EXOC4: variants seen among roughly 807,000 people sequenced by gnomAD.
EXOC4 encodes SEC8-like 1.
A neutral mutation model predicts 107.2 loss-of-function variants in EXOC4; 71 were observed. That is an observed-to-expected ratio of 0.66 (90% confidence interval 0.55 to 0.81). The LOEUF (loss-of-function observed/expected upper bound fraction) is 0.81, where lower values mean the gene tolerates loss of function less well. EXOC4 is among the 30% of genes least tolerant of loss of function. The pLI, the probability that EXOC4 is intolerant of heterozygous loss-of-function variation, is 0.00. For synonymous variants in EXOC4, 456 were observed against 441.2 expected, an observed-to-expected ratio of 1.03 and a Z score of -0.42; for missense variants, 1,108 against 1,189.6, an observed-to-expected ratio of 0.93 and a Z score of 1.01.
intron 9 of EXOC4, chr7:133,576,722 G>A: frequency 7.8e-7 from 1 of 1,289,768 alleles, no homozygotes; most frequent in Non-Finnish European, 1.0e-6. Context: ...TTGCCAACAT[G>A]GAGATAGAGG....
intron 9 of EXOC4, among the ~76,000 whole-genome samples, chr7:133,594,491 G>GTATTTTTT (rs1302445068): frequency 4.2e-5 from 1 of 23,680 alleles, no homozygotes; most frequent in African/African-American, 1.7e-4. Flanking sequence ...ATAAGCTTGA[G>GTATTTTTT]TCTTTTTTTT....
chr7:133,293,472 ATTTG>A (rs1275043348), intron 3 of EXOC4, among the ~76,000 whole-genome samples: 2 of 152,182 alleles, frequency 1.3e-5, no homozygotes, highest in East Asian at 1.9e-4. Context: ...ATTTCCTTGG[ATTTG>A]TTTGTCAGAA....
At chr7:133,617,369 C>T (rs1276583212) in intron 9 of EXOC4, among the ~76,000 whole-genome samples, 2 of 152,162 alleles carry the variant, frequency 1.3e-5, no homozygotes, top group Non-Finnish European at 2.9e-5. Flanking sequence ...CTCTGTCCAG[C>T]ATAACTAGTA....
At chr7:133,351,374 G>T (rs1795905731) in intron 5 of EXOC4, among the ~76,000 whole-genome samples, 1 of 151,900 alleles carries the variant, frequency 6.6e-6, no homozygotes, top group African/African-American at 2.4e-5. Context: ...CTCCTTACTA[G>T]TTATAGATCT....
intron 11 of EXOC4, among the ~76,000 whole-genome samples, chr7:133,887,070 C>T (rs1304241513): frequency 6.6e-6 from 1 of 152,154 alleles, no homozygotes; most frequent in Admixed American, 6.5e-5. Context: ...AGAATTAAAC[C>T]ATGGCATTCT....
intron 11 of EXOC4, among the ~76,000 whole-genome samples, chr7:133,819,048 T>A (rs941162739): frequency 2.4e-4 from 37 of 152,212 alleles, no homozygotes; most frequent in Admixed American, 1.7e-3. Context: ...TGGCTGTGAG[T>A]GCCTCCCTCC....
At chr7:133,375,798 G>A (rs1796477102) in intron 7 of EXOC4, among the ~76,000 whole-genome samples, 1 of 151,910 alleles carries the variant, frequency 6.6e-6, no homozygotes, top group South Asian at 2.1e-4. Context: ...GAAGATTAGA[G>A]GAATAATATT....
intron 10 of EXOC4, among the ~76,000 whole-genome samples, chr7:133,648,051 G>T (rs572294149): frequency 6.6e-6 from 1 of 152,156 alleles, no homozygotes; most frequent in Non-Finnish European, 1.5e-5. Context: ...AAAACATTAT[G>T]TATTTAATGG....
chr7:133,971,334 G>GTATATA (rs1206467959), intron 14 of EXOC4, among the ~76,000 whole-genome samples: 1,827 of 41,354 alleles, frequency 0.044, 49 homozygotes, highest in East Asian at 0.072. Flanking sequence ...GGGAAAATGT[G>GTATATA]TATATATATA....
intron 9 of EXOC4, among the ~76,000 whole-genome samples, chr7:133,602,922 G>A (rs1409657425): frequency 1.3e-5 from 2 of 152,166 alleles, no homozygotes; most frequent in Non-Finnish European, 2.9e-5. Context: ...TGTGTGTTGG[G>A]TGGCAGGCAT....
chr7:133,356,563 A>G lies in EXOC4; in HGVS notation c.997A>G (p.Asn333Asp). ...YQRGENVTVE[N>D]QPRLLLELLE... ...GCGGGGGGAGAACGTTACTGTGGAGAACCAACCAAGGTAGGTGGGAGTGTA... is the reference window on the plus strand; with the variant it reads ...GCGGGGGGAGAACGTTACTGTGGAGGACCAACCAAGGTAGGTGGGAGTGTA... The change falls in exon 6 of 18, where the codon AAC (asparagine) becomes GAC (aspartate). Residue 333 changes from asparagine (N) to aspartate (D), a missense_variant. Physicochemically the swap from Asn to Asp is conservative, Grantham distance 23. Coordinates refer to ENST00000253861, the MANE Select transcript of EXOC4 (RefSeq NM_021807.4). 6.2e-7 allele frequency: 1 copy of G among 1,613,914 alleles called. No individual in the cohort carries two copies. Among genetic ancestry groups the G allele is most frequent in the Admixed American group, 1.7e-5 (1 of 59,984 alleles).
intron 7 of EXOC4, among the ~76,000 whole-genome samples, chr7:133,419,118 A>G (rs1194538060): frequency 1.3e-5 from 2 of 152,174 alleles, no homozygotes; most frequent in African/African-American, 4.8e-5. Flanking sequence ...CTGGGTGTGT[A>G]GGCAGAATTA....
chr7:133,401,611 A>G (rs1314954543), intron 7 of EXOC4, among the ~76,000 whole-genome samples: 1 of 151,256 alleles, frequency 6.6e-6, no homozygotes, highest in Non-Finnish European at 1.5e-5. Context: ...GCAGTGAGCT[A>G]TGTTGCTGCC....
intron 9 of EXOC4, among the ~76,000 whole-genome samples, chr7:133,607,673 C>T (rs1256616458): frequency 6.6e-6 from 1 of 152,162 alleles, no homozygotes; most frequent in Non-Finnish European, 1.5e-5. Flanking sequence ...ATTCTAATTT[C>T]TCCATCTCTC....
intron 2 of EXOC4, among the ~76,000 whole-genome samples, chr7:133,285,503 A>C (rs923379980): frequency 6.6e-6 from 1 of 152,218 alleles, no homozygotes; most frequent in African/African-American, 2.4e-5. Context: ...TTTGTCTTCT[A>C]GCTTTTAATG....
Position 133,734,962 on chromosome 7 carries a change from G to A in EXOC4, c.1515-82363G>A, listed in dbSNP as rs148859415. Among the ~76,000 whole-genome samples, 1,482 of 149,212 alleles carry A rather than the reference G, an allele frequency of 9.9e-3. 14 individuals are homozygous for A. Among genetic ancestry groups the A allele is most frequent in the Non-Finnish European group, 0.015 (1,041 of 67,666 alleles). ...ACGGTGGCTCACGCCTGTAATCCCA[G>A]CACTTTGGGAGGCTGAGGCGGGTGG... is the stretch of plus-strand genomic sequence containing the variant. On this transcript the variant is annotated intron_variant, in intron 10 of 17. Transcript: ENST00000253861.
intron 5 of EXOC4, among the ~76,000 whole-genome samples, chr7:133,327,578 G>C (rs920015398): frequency 6.6e-6 from 1 of 152,086 alleles, no homozygotes; most frequent in Non-Finnish European, 1.5e-5. Flanking sequence ...GGCATTTAGT[G>C]CTATAAATTT....
intron 10 of EXOC4, among the ~76,000 whole-genome samples, chr7:133,696,251 A>G (rs574297872): frequency 1.9e-4 from 29 of 152,184 alleles, no homozygotes; most frequent in Non-Finnish European, 3.2e-4. Flanking sequence ...TCTGTTGTCA[A>G]TGCAGAGATA....
At chr7:133,495,741 C>T (rs1022772174) in intron 9 of EXOC4, among the ~76,000 whole-genome samples, 8 of 152,088 alleles carry the variant, frequency 5.3e-5, no homozygotes, top group South Asian at 2.1e-4. Context: ...GGACTTTCAT[C>T]GTTTCCACTT....
Sources: allele counts gnomAD v4.1 joint callset (sites outside exome capture counted in the v4.1 genomes callset), GRCh38; gene constraint gnomAD v4.1.1; transcripts MANE v1.5; gene names NCBI Gene and HGNC (gene_info 2026-07-23, HGNC 2026-07-21).